COL6A5: variants seen among roughly 807,000 people sequenced by gnomAD.
COL6A5 encodes the protein collagen type VI alpha 5 chain.
Under a neutral mutation model 65.6 loss-of-function variants are expected in COL6A5, and 48 were observed. The observed-to-expected ratio is 0.73, with a 90% CI of 0.58 to 0.93. The LOEUF is 0.93. COL6A5 is among the 40% of genes least tolerant of loss of function. The pLI is 0.00. For missense variants in COL6A5, 914 were observed against 928.3 expected (o/e 0.98, Z 0.20); for synonymous variants, 291 against 322.8 (o/e 0.90, Z 1.05).
chr3:130,403,730 A>ACAC, intron 13 of COL6A5, 68 bp downstream of exon 13: 1 of 901,896 alleles, frequency 1.1e-6, no homozygotes, highest in Non-Finnish European at 1.6e-6. Flanking sequence ...CACACACACA[A>ACAC]ACACACACTT....
chr3:130,395,746 C>T (rs912533277), intron 8 of COL6A5, among the ~76,000 whole-genome samples: 1 of 152,180 alleles, frequency 6.6e-6, no homozygotes, highest in Non-Finnish European at 1.5e-5. Context: ...TGTTTATTCT[C>T]CTTTTAACAC....
chr3:130,388,343 T>TATGCATGCATGCATGCATGCATGC (rs71620080), intron 5 of COL6A5, among the ~76,000 whole-genome samples: 16 of 151,232 alleles, frequency 1.1e-4, no homozygotes, highest in Admixed American at 6.6e-4. Context: ...ATAAATGAGT[T>TATGCATGCATGCATGCATGCATGC]ATGCATGCAT....
At chr3:130,402,867 T>C (rs1255188396) in intron 12 of COL6A5, among the ~76,000 whole-genome samples, 4 of 152,198 alleles carry the variant, frequency 2.6e-5, no homozygotes, top group Non-Finnish European at 5.9e-5. Flanking sequence ...CAAATGAAGT[T>C]TTTCTTTAAA....
At chr3:130,405,173 T>C (rs558820749) in intron 13 of COL6A5, among the ~76,000 whole-genome samples, 11 of 152,292 alleles carry the variant, frequency 7.2e-5, no homozygotes, top group African/African-American at 2.6e-4. Context: ...CAGCAACTGT[T>C]TCTACTCAGC....
intron 1 of COL6A5, 23 bp downstream of exon 33, chr3:130,431,972 T>G (rs1937836833): frequency 6.5e-7 from 1 of 1,544,368 alleles, no homozygotes; most frequent in East Asian, 2.5e-5. Flanking sequence ...CTTGGCAACT[T>G]CTTTAATTTT....
At chr3:130,459,201 T>C (rs1414118687) in intron 5 of COL6A5, among the ~76,000 whole-genome samples, 1 of 152,102 alleles carries the variant, frequency 6.6e-6, no homozygotes, top group Non-Finnish European at 1.5e-5. Flanking sequence ...TTCGTTTCAA[T>C]GAGCTCATTA....
At chr3:130,453,298 T>G (rs1213408701) in intron 4 of COL6A5, among the ~76,000 whole-genome samples, 1 of 152,178 alleles carries the variant, frequency 6.6e-6, no homozygotes, top group Non-Finnish European at 1.5e-5. Flanking sequence ...ATTATAAAAG[T>G]ATTAATTTGG....
At chr3:130,373,071 C>A (rs900713005) in intron 1 of COL6A5, among the ~76,000 whole-genome samples, 3 of 152,136 alleles carry the variant, frequency 2.0e-5, no homozygotes, top group African/African-American at 4.8e-5. Flanking sequence ...AAGCAGTTTT[C>A]ACAAAGGCTT....
intron 4 of COL6A5, among the ~76,000 whole-genome samples, chr3:130,451,145 A>G (rs1402951319): frequency 1.3e-5 from 2 of 152,198 alleles, no homozygotes; most frequent in Non-Finnish European, 2.9e-5. Flanking sequence ...ATTAAGAGGT[A>G]CATAATGATC....
At chr3:130,394,704 T>G (rs1452688084) in intron 7 of COL6A5, among the ~76,000 whole-genome samples, 186 bp from the exon 8 acceptor site, 1 of 152,230 alleles carries the variant, frequency 6.6e-6, no homozygotes, top group African/African-American at 2.4e-5. Context: ...AAAAACTCCA[T>G]TATCTTTCCT....
chr3:130,423,996 G>A (rs779422781), intron 29 of COL6A5, 96 bp downstream of exon 29: 11 of 934,198 alleles, frequency 1.2e-5, no homozygotes, highest in Non-Finnish European at 1.6e-5. Context: ...CTGGATTTAA[G>A]TCCAGATTCT....
intron 5 of COL6A5, among the ~76,000 whole-genome samples, chr3:130,458,624 A>G (rs1709630733): frequency 6.6e-6 from 1 of 152,156 alleles, no homozygotes; most frequent in Admixed American, 6.6e-5. Flanking sequence ...TGTGCTCTCA[A>G]TGGAGCTGAA....
In COL6A5 at chr3:130,349,821, A is replaced by G. The variant is rs763438631; in HGVS notation, c.-29+3840A>G. On this transcript the variant is annotated intron_variant and NMD_transcript_variant, in intron 1 of 41. Coordinates refer to the COL6A5 transcript ENST00000312481. ...TGGCTTAACCAAGTCATACGCTAAT[A>G]TATTCCTTATGTAAAATAAGTCCAC... Among the ~76,000 whole-genome samples, 9 of 152,326 alleles carry G rather than the reference A, an allele frequency of 5.9e-5. No homozygotes were observed. The South Asian group carries it at 1.2e-3, about 21-fold the overall frequency.
At chr3:130,397,509 T>C in intron 8 of COL6A5, 74 bp from the exon 9 acceptor site, 2 of 1,181,452 alleles carry the variant, frequency 1.7e-6, no homozygotes, top group South Asian at 1.5e-5. Context: ...ATGACAGTGC[T>C]CCTTTTTTCT....
rs1267018935 is a variant in COL6A5 at position 130,385,280 on chromosome 3, G to A, written c.1777G>A (p.Glu593Lys). ...AGAACTGCAAGAAATTGCTGGGAAA[G>A]AAGAAAGGGTTAGCTTTGGGCAGAA... is the stretch of plus-strand genomic sequence containing the variant. Residue 593 changes from glutamate to lysine, a missense_variant and NMD_transcript_variant, in exon 5 of 42, where the codon GAA (glutamate) becomes AAA (lysine). Transcript: ENST00000312481. The A allele has an allele frequency of 3.2e-6, 5 of 1,550,860 alleles. No individual in the cohort carries two copies. In the African/African-American group the frequency reaches 6.9e-5, roughly 21 times the overall value.
At chr3:130,464,639 T>C (rs1238805338) in intron 5 of COL6A5, among the ~76,000 whole-genome samples, 3 of 152,096 alleles carry the variant, frequency 2.0e-5, no homozygotes, top group Admixed American at 2.0e-4. Flanking sequence ...CTGAGAACTC[T>C]AGAAGTGTTT....
rs530913385 is a variant in COL6A5 at position 130,406,404 on chromosome 3, G to C, written c.4479+83G>C. On this transcript the variant is annotated intron_variant and NMD_transcript_variant, in intron 17 of 41. Transcript: ENST00000312481. ...TAACTGCTGTGTGTCAGTGGTTATA[G>C]GGGATAAAATTTACAACTGACTTAA... 68 of 1,105,764 alleles carry C rather than the reference G, an allele frequency of 6.1e-5. 1 individual carries two copies. In the South Asian group the frequency reaches 9.2e-4, roughly 15 times the overall value. The allele number at this position is 1,105,764 out of a possible 1,614,324, so 68.5% of individuals were successfully genotyped here.
intron 3 of COL6A5, among the ~76,000 whole-genome samples, chr3:130,442,421 G>A (rs1315587577): frequency 1.3e-5 from 2 of 152,084 alleles, no homozygotes; most frequent in African/African-American, 4.8e-5. Flanking sequence ...TGATGATTAT[G>A]CAATATTTGT....
chr3:130,449,710 G>A (rs1180686748), intron 4 of COL6A5, among the ~76,000 whole-genome samples: 5 of 152,096 alleles, frequency 3.3e-5, no homozygotes, highest in South Asian at 2.1e-4. Context: ...CCTTTTCACC[G>A]CCGGAGCCCA....
Sources: allele counts gnomAD v4.1 joint callset (sites outside exome capture counted in the v4.1 genomes callset), GRCh38; gene constraint gnomAD v4.1.1; transcripts MANE v1.5; gene names NCBI Gene and HGNC (gene_info 2026-07-23, HGNC 2026-07-21).